Variants in DERPC observed in about 807,000 individuals in gnomAD.
The protein encoded by DERPC is decreased expression in renal and prostate cancer protein.
DERPC carries 1 observed loss-of-function variant against 7.2 expected under a neutral mutation model. The observed-to-expected ratio is 0.14, with a 90% confidence interval of 0.05 to 0.66. The LOEUF (loss-of-function observed/expected upper bound fraction) is 0.66. Ranked by LOEUF, DERPC falls within the 30% of genes least tolerant of loss-of-function variation. The pLI is 0.84. For missense variants in DERPC, 502 were observed against 299.4 expected (o/e 1.68, Z -4.99); for synonymous variants, 185 against 117.6 (o/e 1.57, Z -3.71).
intron 1 of DERPC, among the ~76,000 whole-genome samples, chr16:69,125,812 T>G (rs1302215857): frequency 6.6e-6 from 1 of 152,246 alleles, no homozygotes; most frequent in Non-Finnish European, 1.5e-5. Flanking sequence ...CCTGTAAGTG[T>G]GGACCTCTTT....
In DERPC at chr16:69,118,168, A is replaced by AATT. The variant is rs1404983888; in HGVS notation, c.*683_*685dup. ...CCATATTCCCATCCACATCAGTTTA[A>AATT]ATTTTGAGGTTCTTTGATTGATTGG... On this transcript the variant is annotated 3_prime_UTR_variant, in exon 3 of 3. Coordinates refer to ENST00000519520, the MANE Select transcript of DERPC (RefSeq NM_001002847.4). 6 of 572,182 alleles carry AATT rather than the reference A, an allele frequency of 1.0e-5. No homozygotes were observed. Among genetic ancestry groups the AATT allele is most frequent in the Non-Finnish European group, 1.9e-5 (6 of 321,902 alleles). The allele number at this position is 572,182 out of a possible 1,614,324, so 35.4% of individuals were successfully genotyped here. A position where few individuals can be genotyped will look rare whatever the true frequency, so the allele number is the denominator to read the frequency against.
chr16:69,125,284 T>A (rs548467601), intron 1 of DERPC, among the ~76,000 whole-genome samples: 6 of 152,186 alleles, frequency 3.9e-5, no homozygotes, highest in Non-Finnish European at 7.3e-5. Context: ...TTACTGTGCA[T>A]ATATATTGGT....
At position 69,120,708 on chromosome 16, in the gene DERPC, C is replaced by G. The variant is rs868453862; in HGVS notation, c.-221-59G>C. ...CCGGGGCAAGGCCATAACACTCAGG[C>G]GCCTCCTAAAGCTGCTCTTGGCAGG... On this transcript the variant is annotated intron_variant, in intron 2 of 2. Coordinates refer to ENST00000519520, the MANE Select transcript of DERPC (RefSeq NM_001002847.4). The surrounding 1 kb of genome is among the most constrained non-coding windows in gnomAD (Gnocchi z 4.0). 2.1e-6 allele frequency: 3 copies of G among 1,459,994 alleles called. No individual in the cohort carries two copies. Among genetic ancestry groups the G allele is most frequent in the Non-Finnish European group, 2.8e-6 (3 of 1,056,344 alleles). The allele number at this position is 1,459,994 out of a possible 1,614,324, so 90.4% of individuals were successfully genotyped here. A position where few individuals can be genotyped will look rare whatever the true frequency, so the allele number is the denominator to read the frequency against.
chr16:69,127,943 C>T (rs1399530510), intron 1 of DERPC, among the ~76,000 whole-genome samples: 1 of 149,860 alleles, frequency 6.7e-6, no homozygotes, highest in African/African-American at 2.5e-5. Context: ...GAGACAGAGT[C>T]TCACTCTGTC....
chr16:69,127,412 G>A (rs1367634632), intron 1 of DERPC, among the ~76,000 whole-genome samples: 1 of 152,080 alleles, frequency 6.6e-6, no homozygotes, highest in Non-Finnish European at 1.5e-5. Flanking sequence ...ATATGTCTAA[G>A]TCTTCAGTCT....
chr16:69,123,767 A>C (rs1961852103), intron 1 of DERPC, among the ~76,000 whole-genome samples: 1 of 152,120 alleles, frequency 6.6e-6, no homozygotes, highest in African/African-American at 2.4e-5. Context: ...CCTTTCACTT[A>C]GATATGAAAA....
In DERPC at chr16:69,132,550, G is replaced by A. The variant is rs970980196; in HGVS notation, c.-346C>T. ...GGCGACAACCGAACCTCCCGCCGCC[G>A]TCGCCGCCGCCGCGAGCACTGCCTG... is the stretch of plus-strand genomic sequence containing the variant. On this transcript the variant is annotated 5_prime_UTR_variant, in exon 1 of 3. In the 5' UTR this introduces an upstream ATG that the reference lacks. Transcript: ENST00000519520. 6 of 363,996 alleles carry A rather than the reference G, an allele frequency of 1.6e-5. No homozygotes were observed. Among genetic ancestry groups the A allele is most frequent in the Admixed American group, 3.7e-5 (1 of 27,330 alleles). The allele number at this position is 363,996 out of a possible 1,614,324, so 22.5% of individuals were successfully genotyped here. A position where few individuals can be genotyped will look rare whatever the true frequency, so the allele number is the denominator to read the frequency against.
chr16:69,130,251 C>T (rs149563943), intron 1 of DERPC, among the ~76,000 whole-genome samples: 1,912 of 152,120 alleles, frequency 0.013, 40 homozygotes, highest in African/African-American at 0.043. Context: ...TTTGACTCAA[C>T]GGTTTAACCT....
At position 69,119,170 on chromosome 16, in the gene DERPC, T is replaced by C. The variant is rs1226691596; in HGVS notation, c.1259A>G (p.Gln420Arg). The C allele has an allele frequency of 1.4e-6, 1 of 702,908 alleles. No individual in the cohort carries two copies. The allele number at this position is 702,908 out of a possible 1,614,324, so 43.5% of individuals were successfully genotyped here. Residue 420 changes from glutamine (Q) to arginine (R), a missense_variant, in exon 3 of 3, where the codon CAG becomes CGG. Transcript: ENST00000519520. ...TGGGAAGGTAGTTGGACTTGGACCC[T>C]GCAGGCCAGTGGCCCTTGGGAAGTT... ...PANFPRATGL[Q>R]GPSPTTFPRS... is the part of the protein sequence containing the mutation.
rs575168207 is a variant in DERPC, at chr16:69,118,298, T to C, written c.*556A>G. 163 of 1,109,992 alleles carry C rather than the reference T, an allele frequency of 1.5e-4. 2 individuals are homozygous for C. In the South Asian group the frequency reaches 1.9e-3, roughly 13 times the overall value. 68.8% of individuals were successfully genotyped at this position (1,109,992 alleles called of 1,614,324 possible). On this transcript the variant is annotated 3_prime_UTR_variant, in exon 3 of 3. Transcript: ENST00000519520. ...CAGGCCCAGTCAGTCAAGCAGAAAC[T>C]GCATTCGGTGGGTCTTTCTTTGAAG...
chr16:69,121,125 C>A, intron 2 of DERPC: 1 of 1,613,714 alleles, frequency 6.2e-7, no homozygotes, highest in Non-Finnish European at 8.5e-7. Context: ...CGATCTCCCC[C>A]TGTAGCTCCA....
chr16:69,126,615 TA>T (rs1450977631), intron 1 of DERPC, among the ~76,000 whole-genome samples: 1 of 152,206 alleles, frequency 6.6e-6, no homozygotes, highest in African/African-American at 2.4e-5. Context: ...CAGATGTATG[TA>T]GAAATGAAGT....
At chr16:69,129,429 CAA>C (rs11420871) in intron 1 of DERPC, among the ~76,000 whole-genome samples, 7,848 of 75,256 alleles carry the variant, frequency 0.1, 80 homozygotes, top group African/African-American at 0.16. Flanking sequence ...GACTCCGTCA[CAA>C]AAAAAAAAAA....
intron 1 of DERPC, among the ~76,000 whole-genome samples, chr16:69,127,572 G>T (rs990322401): frequency 1.4e-5 from 2 of 147,656 alleles, no homozygotes; most frequent in African/African-American, 4.9e-5. Context: ...GAAACTAAAA[G>T]AGAGTCAGTG....
Position 69,118,924 on chromosome 16 carries a change from T to G in DERPC, c.1505A>C (p.Asn502Thr). The change falls in exon 3 of 3, where the codon AAC (asparagine) becomes ACC (threonine). Residue 502 changes from asparagine to threonine, a missense_variant. Asn to Thr is a moderately conservative substitution (Grantham distance 65). Transcript: ENST00000519520. ...CCCTGGTCTGGGGAAAGCAGCTGGG[T>G]TTGTGCCAGGGAGGCTCCCCACTCT... ...FPRVGSLPGT[N>T]PAAFPRPGGP... is the part of the protein sequence containing the mutation. 1.4e-6 allele frequency: 1 copy of G among 702,992 alleles called. No individual in the cohort carries two copies. Among genetic ancestry groups the G allele is most frequent in the Non-Finnish European group, 2.6e-6 (1 of 385,002 alleles). The allele number at this position is 702,992 out of a possible 1,614,324, so 43.5% of individuals were successfully genotyped here.
At chr16:69,121,702 C>T (rs965270791) in intron 1 of DERPC, among the ~76,000 whole-genome samples, 2 of 150,256 alleles carry the variant, frequency 1.3e-5, no homozygotes, top group African/African-American at 4.9e-5. Context: ...GAGTCTCACT[C>T]TGTCACCCAG....
At chr16:69,124,460 G>T (rs1419483488) in intron 1 of DERPC, among the ~76,000 whole-genome samples, 1 of 151,980 alleles carries the variant, frequency 6.6e-6, no homozygotes, top group Non-Finnish European at 1.5e-5. Context: ...CTCTCACTCT[G>T]TTGCCCAGGC....
At position 69,120,069 on chromosome 16, in the gene DERPC, C is replaced by T. The variant is rs1276600970; in HGVS notation, c.360G>A (p.Gly120=). 1.4e-6 allele frequency: 1 copy of T among 691,328 alleles called. No individual in the cohort carries two copies. The highest frequency in any genetic ancestry group is 1.5e-5 in the South Asian group (1 of 66,620). 42.8% of individuals were successfully genotyped at this position (691,328 alleles called of 1,614,324 possible). The change falls in exon 3 of 3, where the codon GGG becomes GGA. Residue 120 remains glycine, a synonymous_variant. Transcript: ENST00000519520. The surrounding 1 kb of genome is among the most constrained non-coding windows in gnomAD (Gnocchi z 4.0). ...GGGTGGGGCCTGGGCCTGGGCCTGG[C>T]CCCAAGAGGCCACCAGGCCTTGGGA... ...VSFPRPGGLL[G]PGPGPGPTLN...
chr16:69,122,045 C>CAAAGTGCTGGGATTACAGGTGTGA (rs1339181067), intron 1 of DERPC, among the ~76,000 whole-genome samples: 20 of 152,282 alleles, frequency 1.3e-4, no homozygotes, highest in Middle Eastern at 6.8e-3. Context: ...CTCAGCCTCC[C>CAAAGTGCTGGGATTACAGGTGTGA]AAAGTGCTGG....
Sources: allele counts gnomAD v4.1 joint callset (sites outside exome capture counted in the v4.1 genomes callset), GRCh38; gene constraint gnomAD v4.1.1; non-coding constraint Gnocchi (gnomAD v3.1); transcripts MANE v1.5; gene names NCBI Gene and HGNC (gene_info 2026-07-23, HGNC 2026-07-21).